CLVS1: variants seen among roughly 807,000 people sequenced by gnomAD.
The protein encoded by CLVS1 is clavesin-1.
In CLVS1, 10 loss-of-function variants were observed where a neutral mutation model predicts 33.1. The observed-to-expected ratio is 0.30, with a 90% CI of 0.19 to 0.51. CLVS1 has a LOEUF of 0.51. Ranked by LOEUF, CLVS1 falls within the 20% of genes least tolerant of loss-of-function variation. The probability of loss-of-function intolerance (pLI) is 0.97; values close to 1 mark genes in which losing one functional copy is unlikely to be tolerated. For synonymous variants in CLVS1, 163 were observed against 166.1 expected (o/e 0.98, Z 0.14); for missense variants, 343 against 433.4 (o/e 0.79, Z 1.85).
chr8:61,334,169 G>A (rs1811699535), intron 2 of CLVS1, among the ~76,000 whole-genome samples: 1 of 152,216 alleles, frequency 6.6e-6, no homozygotes, highest in South Asian at 2.1e-4. Flanking sequence ...AGAACCGGGT[G>A]TGAGAAGTGG....
In CLVS1 at chr8:61,409,983, A is replaced by G. The variant is rs112207581; in HGVS notation, c.630+33204A>G. Among the ~76,000 whole-genome samples, 754 of 149,196 alleles carry G rather than the reference A, an allele frequency of 5.1e-3. 4 individuals carry two copies. Among genetic ancestry groups the G allele is most frequent in the African/African-American group, 0.017 (687 of 40,660 alleles). ...CTTTTTATTATGTTTTTCTTAACTTATATTAAGGAGATTCACTTTTTGTGC... is the reference window on the plus strand; with the variant it reads ...CTTTTTATTATGTTTTTCTTAACTTGTATTAAGGAGATTCACTTTTTGTGC... On this transcript the variant is annotated intron_variant, in intron 3 of 5. Coordinates refer to ENST00000325897, the MANE Select transcript of CLVS1 (RefSeq NM_173519.3).
chr8:61,402,443 A>G (rs908744896), intron 3 of CLVS1, among the ~76,000 whole-genome samples: 1 of 152,182 alleles, frequency 6.6e-6, no homozygotes, highest in African/African-American at 2.4e-5. Context: ...ATATGGCAGG[A>G]CATATGTTAA....
intron 2 of CLVS1, among the ~76,000 whole-genome samples, chr8:61,253,401 G>A (rs541809598): frequency 6.6e-6 from 1 of 152,196 alleles, no homozygotes; most frequent in South Asian, 2.1e-4. Context: ...TATACGTCTT[G>A]GAGTTGCTCT....
chr8:61,009,947 C>T, the CLVS1 span, among the ~76,000 whole-genome samples: 87 of 152,274 alleles, frequency 5.7e-4, no homozygotes, highest in African/African-American at 1.9e-3. Flanking sequence ...CCTTATTGTG[C>T]CAAAGGTGCA....
the CLVS1 span, among the ~76,000 whole-genome samples, chr8:61,006,470 C>T: frequency 6.6e-6 from 1 of 152,106 alleles, no homozygotes. Context: ...TCAGCGGCCA[C>T]TCACCTGCCT....
At chr8:61,277,991 A>C (rs911759576) in intron 2 of CLVS1, among the ~76,000 whole-genome samples, 1 of 152,186 alleles carries the variant, frequency 6.6e-6, no homozygotes, top group Admixed American at 6.5e-5. Context: ...CTCTGGTATC[A>C]TGTCCAGTCC....
intron 3 of CLVS1, among the ~76,000 whole-genome samples, chr8:61,387,625 A>G (rs1204555725): frequency 6.6e-6 from 1 of 151,652 alleles, no homozygotes; most frequent in Non-Finnish European, 1.5e-5. Context: ...TTATCACACA[A>G]CCCCCTCCTA....
chr8:61,280,252 T>C (rs141564787), intron 2 of CLVS1, among the ~76,000 whole-genome samples: 325 of 152,364 alleles, frequency 2.1e-3, no homozygotes, highest in Non-Finnish European at 3.3e-3. Context: ...ATAAGTTTTA[T>C]AAATGTTATT....
chr8:61,101,460 T>A (rs866567732), intron 1 of CLVS1, among the ~76,000 whole-genome samples: 24 of 152,278 alleles, frequency 1.6e-4, no homozygotes, highest in Non-Finnish European at 3.2e-4. Context: ...TTTAAAAAAA[T>A]TTAGTTTGTC....
chr8:61,499,690 G>A lies in CLVS1; in HGVS notation c.*148G>A. 1 of 511,158 alleles carries A rather than the reference G, an allele frequency of 2.0e-6. No homozygotes were observed. The highest frequency in any genetic ancestry group is 3.5e-6 in the Non-Finnish European group (1 of 284,352). 31.7% of individuals were successfully genotyped at this position (511,158 alleles called of 1,614,324 possible). On this transcript the variant is annotated 3_prime_UTR_variant, in exon 6 of 6. Transcript: ENST00000325897. ...TGAACCCCTGCAGTGACTGTCACCA[G>A]CCATCGGTCTGAGCAGCCAAAGTTG...
chr8:61,421,326 A>G (rs572061117), intron 3 of CLVS1, among the ~76,000 whole-genome samples: 3 of 152,342 alleles, frequency 2.0e-5, no homozygotes, highest in African/African-American at 7.2e-5. Context: ...TGAGGAGTAT[A>G]TAAAGCAATG....
the CLVS1 span, among the ~76,000 whole-genome samples, chr8:61,003,168 C>A: frequency 3.9e-5 from 6 of 152,336 alleles, no homozygotes; most frequent in African/African-American, 1.4e-4. Flanking sequence ...CTGCTCCAAA[C>A]ATTTCCTCTT....
intron 1 of CLVS1, among the ~76,000 whole-genome samples, chr8:61,095,865 G>A (rs1805343192): frequency 6.6e-6 from 1 of 152,146 alleles, no homozygotes; most frequent in South Asian, 2.1e-4. Flanking sequence ...GATTTCAGCT[G>A]CAGATACAGT....
At chr8:61,237,579 G>T (rs988028178) in intron 2 of CLVS1, among the ~76,000 whole-genome samples, 3 of 152,198 alleles carry the variant, frequency 2.0e-5, no homozygotes, top group Non-Finnish European at 4.4e-5. Context: ...TAAGAGCTGA[G>T]CATATTGCGG....
chr8:61,166,512 T>A (rs1039581915), intron 2 of CLVS1, among the ~76,000 whole-genome samples: 2 of 150,766 alleles, frequency 1.3e-5, no homozygotes, highest in African/African-American at 2.4e-5. Context: ...TTTAAAATTT[T>A]AAATTTCTGT....
At chr8:61,296,399 A>T (rs193010269) in intron 1 of CLVS1, among the ~76,000 whole-genome samples, 12 of 152,348 alleles carry the variant, frequency 7.9e-5, no homozygotes, top group Admixed American at 2.0e-4. Context: ...ATAGTAAATT[A>T]TCTCAGAAAC....
chr8:61,023,679 G>A, the CLVS1 span, among the ~76,000 whole-genome samples: 10 of 152,256 alleles, frequency 6.6e-5, no homozygotes, highest in East Asian at 1.9e-3. Context: ...GCAGCTCGGA[G>A]CGCCATCTAC....
the CLVS1 span, among the ~76,000 whole-genome samples, chr8:61,029,758 A>G: frequency 1.3e-5 from 2 of 152,208 alleles, no homozygotes; most frequent in South Asian, 2.1e-4. Context: ...AGGAGAAACA[A>G]ATTTCAATTG....
chr8:61,409,197 A>G (rs1815119635), intron 3 of CLVS1, among the ~76,000 whole-genome samples: 1 of 152,254 alleles, frequency 6.6e-6, no homozygotes, highest in Admixed American at 6.5e-5. Context: ...TTCACAAGGC[A>G]TATAAATCAA....
Sources: allele counts gnomAD v4.1 joint callset (sites outside exome capture counted in the v4.1 genomes callset), GRCh38; gene constraint gnomAD v4.1.1; transcripts MANE v1.5; gene names NCBI Gene and HGNC (gene_info 2026-07-23, HGNC 2026-07-21).